The following BCAS3 variants were observed in gnomAD, a reference collection of about 807,000 sequenced individuals.
BCAS3 encodes the protein BCAS4/BCAS3 fusion.
A neutral mutation model predicts 116.1 loss-of-function variants in BCAS3; 53 were observed. That is an observed-to-expected ratio of 0.46 (90% CI 0.37 to 0.57). The LOEUF (loss-of-function observed/expected upper bound fraction) is 0.57, where lower values mean the gene tolerates loss of function less well. Ranked by LOEUF, BCAS3 falls within the 20% of genes least tolerant of loss-of-function variation. The pLI is 0.00. For missense variants in BCAS3, 917 were observed against 1,165.4 expected (o/e 0.79, Z 3.10); for synonymous variants, 391 against 408.2 (o/e 0.96, Z 0.51).
At chr17:60,722,567 C>T (rs2039355319) in intron 5 of BCAS3, among the ~76,000 whole-genome samples, 1 of 151,754 alleles carries the variant, frequency 6.6e-6, no homozygotes, top group Non-Finnish European at 1.5e-5. Flanking sequence ...TCAAGACCAT[C>T]CTGGCCAACA....
intron 6 of BCAS3, among the ~76,000 whole-genome samples, chr17:60,747,590 C>A (rs1215410330): frequency 1.3e-5 from 2 of 152,142 alleles, no homozygotes; most frequent in Non-Finnish European, 2.9e-5. Flanking sequence ...TTCATGGCAT[C>A]CTTCTTCCCA....
In BCAS3 at chr17:61,045,895, AT is replaced by A. The variant is rs1221722920; in HGVS notation, c.2029+5004del. 1.5e-4 allele frequency among the ~76,000 whole-genome samples: 5 copies of A among 33,862 alleles called. No individual in the cohort carries two copies. In the African/African-American group the frequency reaches 1.6e-3, roughly 11 times the overall value. 22.2% of individuals were successfully genotyped at this position (33,862 alleles called of 152,430 possible). On this transcript the variant is annotated intron_variant, in intron 19 of 23. Coordinates refer to ENST00000407086, the MANE Select transcript of BCAS3 (RefSeq NM_017679.5). ...TATATAAATATATATTATATATATA[AT>A]ATATATAAATATATATTTATATATA...
intron 5 of BCAS3, among the ~76,000 whole-genome samples, chr17:60,714,636 G>C (rs768832108): frequency 3.9e-5 from 6 of 152,188 alleles, no homozygotes; most frequent in Non-Finnish European, 8.8e-5. Flanking sequence ...CTGGGTGACA[G>C]AGTGAGACTG....
At chr17:60,844,578 C>A (rs1037055300) in intron 7 of BCAS3, among the ~76,000 whole-genome samples, 1 of 152,122 alleles carries the variant, frequency 6.6e-6, no homozygotes, top group Non-Finnish European at 1.5e-5. Flanking sequence ...TCATGCCAAC[C>A]TGTAAATTTT....
At chr17:60,692,991 A>G (rs2035066448) in intron 4 of BCAS3, among the ~76,000 whole-genome samples, 2 of 151,806 alleles carry the variant, frequency 1.3e-5, no homozygotes, top group African/African-American at 2.4e-5. Context: ...ATAACAGCCA[A>G]TTTCCCAAGG....
At chr17:61,046,069 A>AATATATATATATTTATATATATATATAAT (rs1568214860) in intron 19 of BCAS3, among the ~76,000 whole-genome samples, 3 of 27,858 alleles carry the variant, frequency 1.1e-4, no homozygotes, top group African/African-American at 9.2e-4. Context: ...ATATATATAT[A>AATATATATATATTTATATATATATATAAT]ATATATATAT....
At chr17:60,799,545 T>TTTTTTA (rs2047540264) in intron 6 of BCAS3, among the ~76,000 whole-genome samples, 1 of 142,012 alleles carries the variant, frequency 7.0e-6, no homozygotes, top group Non-Finnish European at 1.5e-5. Context: ...TTTTTTTTTT[T>TTTTTTA]GGAGACAGAG....
chr17:61,206,095 T>C (rs1229936567), intron 22 of BCAS3, among the ~76,000 whole-genome samples: 1 of 152,178 alleles, frequency 6.6e-6, no homozygotes, highest in Non-Finnish European at 1.5e-5. Context: ...ACACAAGTCG[T>C]AGCCAGTGAA....
chr17:60,976,020 C>CTTTTTTTTTTTTTTTTGTTTTTTT (rs2062331515), intron 14 of BCAS3, among the ~76,000 whole-genome samples: 1 of 98,284 alleles, frequency 1.0e-5, no homozygotes, highest in Non-Finnish European at 1.8e-5. Flanking sequence ...TAGATTTTTG[C>CTTTTTTTTTTTTTTTTGTTTTTTT]TTTTTTTTTT....
rs1175466661 is a variant in BCAS3, at chr17:61,332,737, T to C, written c.2426-35590T>C. ...TTCAAGCCATTCTCCTGCCTCAGCT[T>C]CCTGAATAGCTGGGATTATAGGCGT... is the stretch of plus-strand genomic sequence containing the variant. On this transcript the variant is annotated intron_variant, in intron 22 of 23. Transcript: ENST00000407086. This position sits in a 1 kb window ranked among gnomAD's most constrained non-coding sequence, Gnocchi z 5.4. 6.6e-6 allele frequency among the ~76,000 whole-genome samples: 1 copy of C among 152,168 alleles called. No individual in the cohort carries two copies. The highest frequency in any genetic ancestry group is 1.5e-5 in the Non-Finnish European group (1 of 68,034).
intron 22 of BCAS3, among the ~76,000 whole-genome samples, chr17:61,340,376 A>T (rs1812019292): frequency 6.6e-6 from 1 of 152,020 alleles, no homozygotes; most frequent in Admixed American, 6.6e-5. Flanking sequence ...TACCTTTCTG[A>T]TGGCTTCCAT....
chr17:61,238,217 A>G (rs1321504318), intron 22 of BCAS3, among the ~76,000 whole-genome samples: 1 of 82,718 alleles, frequency 1.2e-5, no homozygotes, highest in Non-Finnish European at 2.3e-5. Context: ...CACACCTGGC[A>G]GTTTTTCGGG....
chr17:61,046,509 C>T (rs1455846738), intron 19 of BCAS3, among the ~76,000 whole-genome samples: 1 of 151,784 alleles, frequency 6.6e-6, no homozygotes, highest in Non-Finnish European at 1.5e-5. Flanking sequence ...CACGCACATC[C>T]CCCTGTATGC....
At chr17:60,807,081 G>T (rs999302914) in intron 6 of BCAS3, among the ~76,000 whole-genome samples, 1 of 151,974 alleles carries the variant, frequency 6.6e-6, no homozygotes, top group African/African-American at 2.4e-5. Flanking sequence ...GGTTAAAAAA[G>T]ATATTTTTGT....
intron 22 of BCAS3, among the ~76,000 whole-genome samples, chr17:61,117,193 A>G (rs999455442): frequency 3.3e-5 from 5 of 152,140 alleles, no homozygotes; most frequent in African/African-American, 4.8e-5. Flanking sequence ...GGTAATTTCT[A>G]TTGCTCCATG....
Position 60,949,256 on chromosome 17 carries a change from T to G in BCAS3, c.1221+1904T>G, listed in dbSNP as rs78750636. Among the ~76,000 whole-genome samples, 287 of 152,116 alleles carry G rather than the reference T, an allele frequency of 1.9e-3. 1 individual carries two copies. Among genetic ancestry groups the G allele is most frequent in the African/African-American group, 4.7e-3 (193 of 41,494 alleles). On this transcript the variant is annotated intron_variant, in intron 14 of 23. Transcript: ENST00000407086. Reference sequence around the variant, plus strand: ...AAGGTTTCTTATACAATTATTATTATTAGTAGTAGTAGTATTTTGAGGACA... The same window carrying G: ...AAGGTTTCTTATACAATTATTATTAGTAGTAGTAGTAGTATTTTGAGGACA...
rs1394969523 is a variant in BCAS3 at position 61,361,954 on chromosome 17, A to G, written c.2426-6373A>G. The G allele has an allele frequency of 1.3e-5, 2 of 152,324 alleles. No homozygotes were observed. The highest frequency in any genetic ancestry group is 1.9e-4 in the East Asian group (1 of 5,188). The allele number at this position is 152,324 out of a possible 1,614,324, so 9.4% of individuals were successfully genotyped here. On this transcript the variant is annotated intron_variant, in intron 22 of 23. Coordinates refer to ENST00000407086, the MANE Select transcript of BCAS3 (RefSeq NM_017679.5). This position sits in a 1 kb window ranked among gnomAD's most constrained non-coding sequence, Gnocchi z 6.5. ...ATGCCTGCCCACAATGGTGAGGGCA[A>G]TCTTCTTTCCTCAGTCTACCAACTC...
intron 5 of BCAS3, among the ~76,000 whole-genome samples, chr17:60,720,890 G>T (rs939288646): frequency 6.6e-6 from 1 of 152,142 alleles, no homozygotes; most frequent in African/African-American, 2.4e-5. Context: ...GTTAGTATTT[G>T]TAGTGTTTTC....
intron 13 of BCAS3, among the ~76,000 whole-genome samples, chr17:60,941,279 C>T (rs997637646): frequency 8.5e-5 from 13 of 152,164 alleles, no homozygotes. Context: ...TGGCTTGGCA[C>T]CTCATTTGGG....
Sources: gnomAD v4.1 joint callset for allele counts (sites outside exome capture counted in the v4.1 genomes callset) on GRCh38, gnomAD v4.1.1 for gene constraint, Gnocchi (gnomAD v3.1) non-coding constraint, MANE v1.5 for transcripts, NCBI Gene and HGNC (gene_info 2026-07-23, HGNC 2026-07-21) for gene names.